The following TCF12 variants were observed in gnomAD, a reference collection of about 807,000 sequenced individuals.
TCF12 encodes transcription factor 12, also known as DNA-binding protein HTF4.
TCF12 carries 45 observed loss-of-function variants against 86.0 expected under a neutral mutation model. That is an observed-to-expected ratio of 0.52 (90% CI 0.41 to 0.67). The LOEUF (loss-of-function observed/expected upper bound fraction) is 0.67, where lower values mean the gene tolerates loss of function less well. TCF12 is among the 30% of genes least tolerant of loss of function. The pLI, the probability that TCF12 is intolerant of heterozygous loss-of-function variation, is 0.00. For synonymous variants in TCF12, 330 were observed against 299.6 expected, an observed-to-expected ratio of 1.10 and a Z score of -1.05; for missense variants, 881 against 859.9, an observed-to-expected ratio of 1.02 and a Z score of -0.31.
At chr15:57,089,554 T>C (rs2585099) in intron 4 of TCF12, among the ~76,000 whole-genome samples, 97 of 151,420 alleles carry the variant, frequency 6.4e-4, no homozygotes, top group African/African-American at 2.2e-3. Flanking sequence ...CAAACTTAGA[T>C]ATATTTGTAT....
intron 6 of TCF12, among the ~76,000 whole-genome samples, chr15:57,186,084 G>A: frequency 6.6e-6 from 1 of 152,206 alleles, no homozygotes; most frequent in East Asian, 1.9e-4. Flanking sequence ...TAATCTGGAT[G>A]AAGTAGACAA....
At chr15:57,097,709 G>T (rs887590366) in intron 5 of TCF12, among the ~76,000 whole-genome samples, 10 of 152,082 alleles carry the variant, frequency 6.6e-5, no homozygotes, top group African/African-American at 2.4e-4. Flanking sequence ...TTTCATGAAA[G>T]AATATGATTG....
intron 16 of TCF12, among the ~76,000 whole-genome samples, chr15:57,260,255 T>C (rs2060527979): frequency 6.6e-6 from 1 of 152,152 alleles, no homozygotes; most frequent in Non-Finnish European, 1.5e-5. Context: ...ATTTATTATT[T>C]AGGTAATGAT....
intron 8 of TCF12, among the ~76,000 whole-genome samples, chr15:57,225,029 C>T (rs117849722): frequency 0.017 from 2,659 of 151,990 alleles, 33 homozygotes; most frequent in Middle Eastern, 0.038. Flanking sequence ...TCAAATCTGT[C>T]ATTTGTTGAA....
intron 5 of TCF12, among the ~76,000 whole-genome samples, chr15:57,123,970 A>ACAAAAAAAAAAAG (rs1313776402): frequency 1.7e-5 from 2 of 116,616 alleles, no homozygotes; most frequent in African/African-American, 5.4e-5. Context: ...CTCCGTCTCA[A>ACAAAAAAAAAAAG]AAAAAAAAAA....
intron 12 of TCF12, among the ~76,000 whole-genome samples, chr15:57,241,789 T>TC (rs1690163449): frequency 6.6e-6 from 1 of 151,938 alleles, no homozygotes; most frequent in Non-Finnish European, 1.5e-5. Flanking sequence ...GGTCAGGAGT[T>TC]CAAGACCAGC....
intron 3 of TCF12, among the ~76,000 whole-genome samples, chr15:56,943,391 A>T (rs1479598277): frequency 2.6e-5 from 4 of 152,232 alleles, no homozygotes; most frequent in Non-Finnish European, 5.9e-5. Context: ...CAGTTTTACC[A>T]ACTTATATAA....
At chr15:57,018,164 T>C (rs1283796923) in intron 3 of TCF12, among the ~76,000 whole-genome samples, 2 of 152,198 alleles carry the variant, frequency 1.3e-5, no homozygotes, top group African/African-American at 4.8e-5. Flanking sequence ...CCTGGGAGCA[T>C]AGATTCAAGT....
intron 3 of TCF12, among the ~76,000 whole-genome samples, chr15:56,927,374 A>C (rs562035487): frequency 6.6e-6 from 1 of 152,332 alleles, no homozygotes; most frequent in South Asian, 2.1e-4. Context: ...CAGTATCCAG[A>C]GAAAATTGAT....
intron 3 of TCF12, among the ~76,000 whole-genome samples, chr15:56,962,629 G>A (rs1182919130): frequency 2.6e-5 from 4 of 152,102 alleles, no homozygotes; most frequent in Non-Finnish European, 5.9e-5. Flanking sequence ...AAGAGAAAAT[G>A]CTTCCAATTA....
intron 3 of TCF12, among the ~76,000 whole-genome samples, chr15:56,997,952 C>T (rs1310691112): frequency 6.6e-6 from 1 of 152,096 alleles, no homozygotes; most frequent in Non-Finnish European, 1.5e-5. Context: ...TAAGCTAATA[C>T]CCAAATAAAG....
chr15:57,170,673 ATAATATATTATATATAATATATATT>A (rs1418040208), intron 6 of TCF12, among the ~76,000 whole-genome samples: 11 of 5,858 alleles, frequency 1.9e-3, no homozygotes, highest in African/African-American at 2.6e-3. Context: ...ATATATATAT[ATAATATATTATATATAATATATATT>A]ATATATAATA....
At chr15:57,002,697 G>A (rs1406806295) in intron 3 of TCF12, among the ~76,000 whole-genome samples, 1 of 152,156 alleles carries the variant, frequency 6.6e-6, no homozygotes, top group South Asian at 2.1e-4. Flanking sequence ...TTTGACTGAC[G>A]AACTGTCAAT....
intron 3 of TCF12, among the ~76,000 whole-genome samples, chr15:56,953,580 A>G (rs2583108): frequency 0.41 from 62,804 of 151,880 alleles, 14,815 homozygotes; most frequent in Non-Finnish European, 0.54. Flanking sequence ...GTTTTAAACT[A>G]CAAGTTTAGT....
chr15:57,115,625 C>G (rs1262459885), intron 5 of TCF12, among the ~76,000 whole-genome samples: 2 of 152,046 alleles, frequency 1.3e-5, no homozygotes, highest in Non-Finnish European at 2.9e-5. Flanking sequence ...TCACTAATGC[C>G]TTGTATTCCA....
At chr15:57,281,673 G>A (rs760059022) in intron 19 of TCF12, 1 of 152,344 alleles carries the variant, frequency 6.6e-6, no homozygotes. Context: ...AGGGATCTGG[G>A]ATCTAGGTTG....
intron 5 of TCF12, among the ~76,000 whole-genome samples, chr15:57,127,663 T>C (rs1240524169): frequency 6.6e-6 from 1 of 152,166 alleles, no homozygotes; most frequent in Non-Finnish European, 1.5e-5. Context: ...GTAAAAACTA[T>C]TTACCTAATA....
chr15:57,067,774 T>C (rs946512115), intron 4 of TCF12, among the ~76,000 whole-genome samples: 12 of 152,140 alleles, frequency 7.9e-5, no homozygotes, highest in South Asian at 2.1e-4. Context: ...CATGAACATA[T>C]AGATAGAATC....
At chr15:57,170,737 A>C (rs1395798105) in intron 6 of TCF12, among the ~76,000 whole-genome samples, 12 of 24,846 alleles carry the variant, frequency 4.8e-4, no homozygotes, top group Admixed American at 2.5e-3. Context: ...TATTATATAT[A>C]ATATATATTA....
Sources: gnomAD v4.1 joint callset for allele counts (sites outside exome capture counted in the v4.1 genomes callset) on GRCh38, gnomAD v4.1.1 for gene constraint, MANE v1.5 for transcripts, NCBI Gene and HGNC (gene_info 2026-07-23, HGNC 2026-07-21) for gene names.